The following ADAMTS19 variants were observed in gnomAD, a reference collection of about 807,000 sequenced individuals.
ADAMTS19 encodes A disintegrin and metalloproteinase with thrombospondin motifs 19.
A neutral mutation model predicts 153.3 loss-of-function variants in ADAMTS19; 93 were observed. That is an observed-to-expected ratio of 0.61 (90% CI 0.51 to 0.72). ADAMTS19 has a LOEUF of 0.72. Among genes scored for constraint, ADAMTS19 ranks in the 30% least tolerant of loss-of-function variants. The probability of loss-of-function intolerance (pLI) is 0.00; values close to 1 mark genes in which losing one functional copy is unlikely to be tolerated. For missense variants in ADAMTS19, 1,482 were observed against 1,552.1 expected (o/e 0.95, Z 0.76); for synonymous variants, 600 against 556.6 (o/e 1.08, Z -1.10).
intron 9 of ADAMTS19, among the ~76,000 whole-genome samples, chr5:129,621,202 A>T (rs1581155276): frequency 6.6e-6 from 1 of 152,280 alleles, no homozygotes; most frequent in East Asian, 1.9e-4. Context: ...CACCATTATC[A>T]TAGCCCTTTC....
At chr5:129,717,231 AC>A in intron 21 of ADAMTS19, among the ~76,000 whole-genome samples, 1 of 152,322 alleles carries the variant, frequency 6.6e-6, no homozygotes, top group East Asian at 1.9e-4. Flanking sequence ...AGCAACCAGA[AC>A]ATTGTACTAT....
At chr5:129,557,275 A>G (rs896174146) in intron 7 of ADAMTS19, among the ~76,000 whole-genome samples, 2 of 152,312 alleles carry the variant, frequency 1.3e-5, no homozygotes, top group South Asian at 4.1e-4. Context: ...TCTTCTTTTA[A>G]CAATTAAATA....
At chr5:129,656,975 A>G (rs1270312267) in intron 14 of ADAMTS19, among the ~76,000 whole-genome samples, 1 of 152,178 alleles carries the variant, frequency 6.6e-6, no homozygotes, top group African/African-American at 2.4e-5. Context: ...CTTTTTCCCC[A>G]TTGGAACATG....
chr5:129,628,861 C>T (rs529814434), intron 10 of ADAMTS19, among the ~76,000 whole-genome samples: 11 of 152,146 alleles, frequency 7.2e-5, no homozygotes, highest in African/African-American at 2.2e-4. Flanking sequence ...ACCATATAGC[C>T]TAGGTGTGTA....
At chr5:129,493,662 C>T (rs1199607961) in intron 2 of ADAMTS19, among the ~76,000 whole-genome samples, 1 of 152,182 alleles carries the variant, frequency 6.6e-6, no homozygotes, top group Non-Finnish European at 1.5e-5. Flanking sequence ...TAATTTCAGT[C>T]AGTCTCTTAG....
intron 7 of ADAMTS19, among the ~76,000 whole-genome samples, chr5:129,563,140 T>A (rs1342728307): frequency 6.6e-6 from 1 of 152,146 alleles, no homozygotes; most frequent in Non-Finnish European, 1.5e-5. Flanking sequence ...GCAGAAGTAA[T>A]CATTTTTGCC....
intron 2 of ADAMTS19, among the ~76,000 whole-genome samples, chr5:129,504,700 T>C (rs1751211758): frequency 6.6e-6 from 1 of 152,152 alleles, no homozygotes; most frequent in Non-Finnish European, 1.5e-5. Flanking sequence ...TTCTACTCTC[T>C]GCTTCTATCA....
intron 2 of ADAMTS19, among the ~76,000 whole-genome samples, chr5:129,504,868 CACAG>C (rs1465443197): frequency 4.6e-4 from 38 of 83,104 alleles, no homozygotes; most frequent in African/African-American, 2.2e-3. Flanking sequence ...TCTACACACA[CACAG>C]ACACACACAC....
intron 11 of ADAMTS19, among the ~76,000 whole-genome samples, chr5:129,647,108 A>G (rs1267368004): frequency 6.6e-6 from 1 of 151,906 alleles, no homozygotes; most frequent in Admixed American, 6.6e-5. Context: ...CAAGTAAAGT[A>G]TAAAATAATT....
chr5:129,474,478 A>C (rs923102497), intron 2 of ADAMTS19, among the ~76,000 whole-genome samples: 2 of 152,028 alleles, frequency 1.3e-5, no homozygotes, highest in African/African-American at 4.8e-5. Flanking sequence ...ATACTGCCAA[A>C]CTTTTTTTCA....
At chr5:129,641,200 C>G (rs1426854134) in intron 10 of ADAMTS19, among the ~76,000 whole-genome samples, 1 of 152,184 alleles carries the variant, frequency 6.6e-6, no homozygotes, top group Non-Finnish European at 1.5e-5. Flanking sequence ...TACATTTCCT[C>G]AGAGTTATCT....
intron 4 of ADAMTS19, among the ~76,000 whole-genome samples, chr5:129,527,391 C>T (rs187191074): frequency 1.3e-4 from 19 of 143,622 alleles, no homozygotes; most frequent in African/African-American, 4.6e-4. Flanking sequence ...TTTTTTTTTA[C>T]ACTTTAGATA....
chr5:129,728,912 CTA>C (rs1757320703), intron 21 of ADAMTS19, among the ~76,000 whole-genome samples: 1 of 152,004 alleles, frequency 6.6e-6, no homozygotes. Flanking sequence ...AATTTTAAGA[CTA>C]TGTTAGACAG....
intron 2 of ADAMTS19, among the ~76,000 whole-genome samples, chr5:129,501,556 C>T (rs1467122318): frequency 6.6e-6 from 1 of 152,024 alleles, no homozygotes; most frequent in Non-Finnish European, 1.5e-5. Flanking sequence ...TGAAATAACA[C>T]TTATATGGCA....
intron 16 of ADAMTS19, among the ~76,000 whole-genome samples, chr5:129,672,062 G>A (rs1290233251): frequency 1.3e-5 from 2 of 152,198 alleles, no homozygotes; most frequent in African/African-American, 4.8e-5. Context: ...GGCCAGAAGT[G>A]TGAGATCAAG....
chr5:129,657,663 G>A (rs1170868370), intron 14 of ADAMTS19, among the ~76,000 whole-genome samples: 1 of 152,172 alleles, frequency 6.6e-6, no homozygotes, highest in East Asian at 1.9e-4. Flanking sequence ...AGGTTGTGAG[G>A]AGTTCTTACT....
intron 7 of ADAMTS19, among the ~76,000 whole-genome samples, chr5:129,591,013 C>A (rs1750106953): frequency 6.6e-6 from 1 of 152,128 alleles, no homozygotes. Flanking sequence ...ATGGTTGGCA[C>A]CCTAGGCCAC....
intron 7 of ADAMTS19, among the ~76,000 whole-genome samples, chr5:129,569,111 G>A (rs183302678): frequency 1.6e-4 from 25 of 151,576 alleles, no homozygotes; most frequent in Non-Finnish European, 3.1e-4. Flanking sequence ...AAGAGTAAAA[G>A]GATGAAAAAG....
chr5:129,703,719 G>A (rs1175801553), intron 20 of ADAMTS19, among the ~76,000 whole-genome samples: 2 of 152,072 alleles, frequency 1.3e-5, no homozygotes, highest in Non-Finnish European at 2.9e-5. Flanking sequence ...GCGACAGAAT[G>A]AGACTCCATC....
Sources: allele counts gnomAD v4.1 joint callset (sites outside exome capture counted in the v4.1 genomes callset), GRCh38; gene constraint gnomAD v4.1.1; transcripts MANE v1.5; gene names NCBI Gene and HGNC (gene_info 2026-07-23, HGNC 2026-07-21).